PCDH15: variants seen among roughly 807,000 people sequenced by gnomAD.
PCDH15 encodes protocadherin related 15.
A neutral mutation model predicts 178.5 loss-of-function variants in PCDH15; 129 were observed. The ratio of observed to expected loss-of-function variants is 0.72; its 90% CI spans 0.63 to 0.84. The LOEUF (loss-of-function observed/expected upper bound fraction) is 0.84, where lower values mean the gene tolerates loss of function less well. Among genes scored for constraint, PCDH15 ranks in the 40% least tolerant of loss-of-function variants. PCDH15 has a pLI of 0.00. For missense variants in PCDH15, 2,230 were observed against 2,099.9 expected (o/e 1.06, Z -1.21); for synonymous variants, 800 against 732.0 (o/e 1.09, Z -1.50).
chr10:54,481,445 T>A (rs2078710416), intron 3 of PCDH15, among the ~76,000 whole-genome samples: 1 of 151,710 alleles, frequency 6.6e-6, no homozygotes, highest in Admixed American at 6.6e-5. Flanking sequence ...TCTTGTCAAA[T>A]TCTAATTAAC....
At chr10:54,006,839 A>G (rs2092402142) in intron 20 of PCDH15, among the ~76,000 whole-genome samples, 1 of 152,106 alleles carries the variant, frequency 6.6e-6, no homozygotes, top group African/African-American at 2.4e-5. Flanking sequence ...GGTGAACCTG[A>G]TGATACTTCA....
intron 3 of PCDH15, among the ~76,000 whole-genome samples, chr10:54,896,671 A>G (rs1196135838): frequency 2.0e-5 from 3 of 152,114 alleles, no homozygotes; most frequent in Non-Finnish European, 4.4e-5. Context: ...TCAGATTTTA[A>G]TATTTCTGCA....
chr10:55,294,671 G>T (rs1312626357), intron 1 of PCDH15, among the ~76,000 whole-genome samples: 1 of 152,070 alleles, frequency 6.6e-6, no homozygotes, highest in East Asian at 1.9e-4. Context: ...TTTGCATATA[G>T]GAGTCCAATG....
chr10:54,307,015 C>T (rs373860473), intron 8 of PCDH15, among the ~76,000 whole-genome samples: 5,722 of 35,810 alleles, frequency 0.16, 788 homozygotes, highest in Middle Eastern at 0.25. Flanking sequence ...TATATATATA[C>T]ATATATATAT....
chr10:55,578,281 G>A (rs767634660), intron 2 of PCDH15, among the ~76,000 whole-genome samples: 9 of 152,040 alleles, frequency 5.9e-5, no homozygotes, highest in Non-Finnish European at 1.3e-4. Flanking sequence ...GCAGTGGCGC[G>A]AATTCAGCTC....
chr10:53,979,378 C>T (rs2090439564), intron 21 of PCDH15, among the ~76,000 whole-genome samples: 2 of 152,098 alleles, frequency 1.3e-5, no homozygotes, highest in African/African-American at 4.8e-5. Flanking sequence ...AGTAACCTCC[C>T]CATGATTCAA....
chr10:55,213,243 G>A (rs971630392), intron 1 of PCDH15, among the ~76,000 whole-genome samples: 5 of 152,006 alleles, frequency 3.3e-5, no homozygotes, highest in Non-Finnish European at 5.9e-5. Context: ...ATAGGCATGA[G>A]GATGGATGGA....
At chr10:54,147,708 A>C (rs912718891) in intron 14 of PCDH15, among the ~76,000 whole-genome samples, 1 of 151,956 alleles carries the variant, frequency 6.6e-6, no homozygotes, top group Middle Eastern at 3.2e-3. Context: ...AAAGTCTTGA[A>C]TATTAAAAGA....
rs1375857248 is a variant in PCDH15 at position 53,974,072 on chromosome 10, C to T, written c.2869-12180G>A. Among the ~76,000 whole-genome samples, 3 of 152,282 alleles carry T rather than the reference C, an allele frequency of 2.0e-5. No homozygotes were observed. In the South Asian group the frequency reaches 6.2e-4, roughly 32 times the overall value. On this transcript the variant is annotated intron_variant, in intron 21 of 37. Coordinates refer to ENST00000644397, the MANE Select transcript of PCDH15 (RefSeq NM_001384140.1). Reference sequence around the variant, plus strand: ...TCACTCTGTCGTCCGGGCTGGAAGGCAGTGGCGTGATCTTGGCTCACTGCA... The same window carrying T: ...TCACTCTGTCGTCCGGGCTGGAAGGTAGTGGCGTGATCTTGGCTCACTGCA...
chr10:54,575,657 A>G (rs189764596), intron 2 of PCDH15, among the ~76,000 whole-genome samples: 1 of 64,530 alleles, frequency 1.5e-5, no homozygotes, highest in African/African-American at 4.8e-5. Context: ...GCAGGTAGAT[A>G]TATTGAAAAT....
chr10:53,930,856 G>A (rs1056091580), intron 25 of PCDH15, among the ~76,000 whole-genome samples: 5 of 152,112 alleles, frequency 3.3e-5, no homozygotes, highest in Non-Finnish European at 5.9e-5. Context: ...CTTCTTCCTT[G>A]GCAATACTTG....
chr10:54,616,037 T>G (rs992441034), intron 2 of PCDH15, among the ~76,000 whole-genome samples: 1 of 152,100 alleles, frequency 6.6e-6, no homozygotes, highest in Non-Finnish European at 1.5e-5. Flanking sequence ...CATTACCAAA[T>G]TATCTCATTT....
rs71461301 is a variant in PCDH15, at chr10:55,433,026, A to AAAAAC, written c.-156+194594_-156+194598dup. On this transcript the variant is annotated intron_variant, in intron 2 of 5. Transcript: ENST00000613346. Reference sequence around the variant, plus strand: ...GTGACAGAGCAAGACTCCGTCTCAAAAAAACAAAACAAAACAAAACAAAAC... The same window carrying AAAAAC: ...GTGACAGAGCAAGACTCCGTCTCAAAAAAACAAAACAAAACAAAACAAAACAAAAC... Among the ~76,000 whole-genome samples, 99 of 115,506 alleles carry AAAAAC rather than the reference A, an allele frequency of 8.6e-4. 3 individuals are homozygous for AAAAAC. The highest frequency in any genetic ancestry group is 7.3e-4 in the Admixed American group (8 of 10,898). The allele number at this position is 115,506 out of a possible 152,430, so 75.8% of individuals were successfully genotyped here. A position where few individuals can be genotyped will look rare whatever the true frequency, so the allele number is the denominator to read the frequency against.
chr10:55,125,177 G>GTGTGTGTGTGTT (rs1837868243), intron 2 of PCDH15, among the ~76,000 whole-genome samples: 1 of 151,268 alleles, frequency 6.6e-6, no homozygotes, highest in Admixed American at 6.6e-5. Context: ...GTGTGTGTGT[G>GTGTGTGTGTGTT]TGTGTGTGTG....
At chr10:54,018,983 A>G (rs1353025694) in intron 20 of PCDH15, among the ~76,000 whole-genome samples, 1 of 152,004 alleles carries the variant, frequency 6.6e-6, no homozygotes. Context: ...ATATTCATCT[A>G]TTTTATTCAT....
intron 8 of PCDH15, among the ~76,000 whole-genome samples, chr10:54,254,141 G>A (rs1253440153): frequency 2.6e-5 from 4 of 151,934 alleles, no homozygotes; most frequent in Non-Finnish European, 5.9e-5. Flanking sequence ...TCTGTTTCTT[G>A]GTATTTAAAA....
chr10:53,823,378 A>ATGAAATGTAAG, intron 32 of PCDH15: 1 of 1,603,478 alleles, frequency 6.2e-7, no homozygotes, highest in East Asian at 2.2e-5. Flanking sequence ...AAAGAAGATA[A>ATGAAATGTAAG]TGAAATGTAA....
chr10:54,211,249 C>G (rs1474372605), intron 10 of PCDH15, among the ~76,000 whole-genome samples: 1 of 151,992 alleles, frequency 6.6e-6, no homozygotes, highest in African/African-American at 2.4e-5. Flanking sequence ...TTTAAAAGAG[C>G]AACAGAGGTA....
intron 2 of PCDH15, among the ~76,000 whole-genome samples, chr10:54,928,155 T>C (rs1203636578): frequency 2.0e-5 from 3 of 152,188 alleles, no homozygotes; most frequent in Non-Finnish European, 4.4e-5. Flanking sequence ...TCTCAGCATT[T>C]GCTTGTTCAA....
Sources: gnomAD v4.1 joint callset for allele counts (sites outside exome capture counted in the v4.1 genomes callset) on GRCh38, gnomAD v4.1.1 for gene constraint, MANE v1.5 for transcripts, NCBI Gene and HGNC (gene_info 2026-07-23, HGNC 2026-07-21) for gene names.